ZNF841: variants seen among roughly 807,000 people sequenced by gnomAD.
ZNF841 encodes the protein TCONS_00006091.
ZNF841 carries 11 observed loss-of-function variants against 13.0 expected under a neutral mutation model. That is an observed-to-expected ratio of 0.85 (90% CI 0.53 to 1.40). ZNF841 has a LOEUF of 1.40. Ranked by LOEUF, ZNF841 falls within the 40% of genes most tolerant of loss-of-function variation. The pLI, the probability that ZNF841 is intolerant of heterozygous loss-of-function variation, is 0.00. For synonymous variants in ZNF841, 369 were observed against 381.6 expected (o/e 0.97, Z 0.38); for missense variants, 1,068 against 1,139.5 (o/e 0.94, Z 0.90).
chr19:52,064,380 A>AAAAAAC (rs2087469284), downstream of ZNF841: 1 of 146,818 alleles, frequency 6.8e-6, no homozygotes, highest in African/African-American at 2.6e-5. Context: ...AAAAAAAAAA[A>AAAAAAC]AAAAAAAAAC....
At position 52,066,343 on chromosome 19, in the gene ZNF841, G is replaced by C. The variant is rs779527957; in HGVS notation, c.1539C>G (p.Tyr513Ter). 1 of 1,614,020 alleles carries C rather than the reference G, an allele frequency of 6.2e-7. No individual in the cohort carries two copies. Among genetic ancestry groups the C allele is most frequent in the Non-Finnish European group, 8.5e-7 (1 of 1,179,954 alleles). The part of the protein sequence containing the change: ...HQRVHTGEKP[Y>*]KCNECGKAFN... ...AGGCTTTGCCACATTCATTACATTTGTAAGGTTTCTCTCCAGTATGAACTC... is the reference window on the plus strand; with the variant it reads ...AGGCTTTGCCACATTCATTACATTTCTAAGGTTTCTCTCCAGTATGAACTC... The change falls in exon 7 of 7, where the codon TAC becomes TAG. Residue 513 changes from tyrosine to a stop codon, truncating the protein, a stop_gained. Coordinates refer to ENST00000594440, the MANE Select transcript of ZNF841 (RefSeq NM_001136499.2). LOFTEE classifies it low-confidence loss of function (END_TRUNC).
At chr19:52,077,200 A>G (rs76702199) in intron 4 of ZNF841, 116 bp from the exon 5 acceptor site, 12 of 1,197,110 alleles carry the variant, frequency 1.0e-5, no homozygotes, top group Non-Finnish European at 1.4e-5. Flanking sequence ...TGACATATCC[A>G]TTAAAAGTAT....
chr19:52,075,304 G>T (rs1568541349), intron 6 of ZNF841, among the ~76,000 whole-genome samples: 1 of 152,232 alleles, frequency 6.6e-6, no homozygotes, highest in Non-Finnish European at 1.5e-5. Context: ...ATCTTGAAAT[G>T]AGACAGTGCT....
intron 4 of ZNF841, among the ~76,000 whole-genome samples, chr19:52,078,883 T>G (rs1026391870): frequency 2.0e-5 from 3 of 152,142 alleles, no homozygotes; most frequent in African/African-American, 7.2e-5. Flanking sequence ...GAAATGATGA[T>G]GTTGTAAATA....
rs60337065 is a variant in ZNF841 at position 52,088,446 on chromosome 19, C to T, written c.-78+491G>A. Among the ~76,000 whole-genome samples, 4 of 152,110 alleles carry T rather than the reference C, an allele frequency of 2.6e-5. No homozygotes were observed. In the East Asian group the frequency reaches 7.7e-4, roughly 29 times the overall value. On this transcript the variant is annotated intron_variant, in intron 3 of 6. Coordinates refer to ENST00000594440, the MANE Select transcript of ZNF841 (RefSeq NM_001136499.2). ...CCAGAAATGCATAAAATATATGTAA[C>T]TATTAGTCTATTTTATCACTTAGTA... is the stretch of plus-strand genomic sequence containing the variant.
Position 52,066,549 on chromosome 19 carries a change from CA to C in ZNF841, c.1332del (p.Val445Ter). 6.2e-7 allele frequency: 1 copy of C among 1,613,550 alleles called. No homozygotes were observed. The highest frequency in any genetic ancestry group is 8.5e-7 in the Non-Finnish European group (1 of 1,179,742). The stretch of plus-strand genomic sequence containing the variant: ...CCAGTATGAATTATCTGGTGCCTTA[CA>C]AGTTGTGAATTCTGATAAAAGACCT... The part of the protein sequence containing the change: ...CGKVFYQNSQ[L>X]VRHQIIHTGE... On this transcript the variant is annotated frameshift_variant, in exon 7 of 7. Transcript: ENST00000594440. LOFTEE classifies it low-confidence loss of function (END_TRUNC).
At chr19:52,089,551 G>A (rs532066778) in intron 2 of ZNF841, among the ~76,000 whole-genome samples, 347 of 152,262 alleles carry the variant, frequency 2.3e-3, no homozygotes, top group African/African-American at 8.2e-3. Context: ...GGAGGCTGAG[G>A]TGAGAGGATG....
At chr19:52,089,672 G>A (rs963726702) in intron 2 of ZNF841, among the ~76,000 whole-genome samples, 10 of 151,774 alleles carry the variant, frequency 6.6e-5, no homozygotes, top group Admixed American at 2.0e-4. Flanking sequence ...AATGATCCAT[G>A]CACAACCACT....
intron 4 of ZNF841, among the ~76,000 whole-genome samples, chr19:52,080,806 G>A (rs2123316545): frequency 6.6e-6 from 1 of 152,268 alleles, no homozygotes; most frequent in Non-Finnish European, 1.5e-5. Flanking sequence ...AAAATCCCCA[G>A]CCAGAAAAGG....
chr19:52,090,659 GAAA>G (rs543833068), intron 2 of ZNF841, among the ~76,000 whole-genome samples: 1,922 of 108,836 alleles, frequency 0.018, 34 homozygotes, highest in Middle Eastern at 0.042. Flanking sequence ...AGGAAGGAAA[GAAA>G]GAAAGAAAGA....
chr19:52,084,646 G>A (rs2088209997), intron 4 of ZNF841, 141 bp downstream of exon 4: 1 of 862,430 alleles, frequency 1.2e-6, no homozygotes, highest in South Asian at 1.6e-5. Context: ...GTGCAGAAGA[G>A]AGGGACTGAA....
At chr19:52,062,159 G>A (rs757867349), downstream of ZNF841, among the ~76,000 whole-genome samples, 8 of 152,160 alleles carry the variant, frequency 5.3e-5, no homozygotes, top group Non-Finnish European at 7.3e-5. Context: ...GGTTCCAAAA[G>A]TTGACCTTAT....
intron 6 of ZNF841, among the ~76,000 whole-genome samples, chr19:52,070,332 A>G (rs967771829): frequency 6.6e-6 from 1 of 152,102 alleles, no homozygotes; most frequent in Admixed American, 6.5e-5. Context: ...GAGACAAAAG[A>G]GTATATTTGG....
chr19:52,079,669 A>G lies in ZNF841; in HGVS notation c.16-2585T>C, dbSNP rs976228392. Among the ~76,000 whole-genome samples the G allele has an allele frequency of 5.3e-5, 8 of 152,252 alleles. 1 individual carries two copies. The South Asian group carries it at 1.5e-3, about 28-fold the overall frequency. ...AAAAAGGCAAGGAGGGGGTAGAGCC[A>G]AAGAGTTAGATCTACTAAAATTAAG... On this transcript the variant is annotated intron_variant, in intron 4 of 6. Transcript: ENST00000594440.
Position 52,067,365 on chromosome 19 carries a change from C to T in ZNF841, c.517G>A (p.Gly173Arg). 1.3e-6 allele frequency: 2 copies of T among 1,549,764 alleles called. No individual in the cohort carries two copies. The highest frequency in any genetic ancestry group is 1.7e-6 in the Non-Finnish European group (2 of 1,146,302). ...TCCATATGCTTGTTTTCTACGTCCC[C>T]TTGACTATGTCGAACTCTTTGACCA... is the stretch of plus-strand genomic sequence containing the variant. ...LTGQRVRHSQ[G>R]DVENKHMENQ... The change falls in exon 7 of 7, where the codon GGG becomes AGG. Residue 173 changes from glycine to arginine, a missense_variant. Transcript: ENST00000594440.
intron 3 of ZNF841, among the ~76,000 whole-genome samples, chr19:52,088,376 A>G (rs1484576454): frequency 6.6e-6 from 1 of 152,204 alleles, no homozygotes; most frequent in Non-Finnish European, 1.5e-5. Context: ...ACAATTTGAA[A>G]AAACTCACAG....
At chr19:52,084,924 C>G in intron 3 of ZNF841, 46 bp from the exon 4 acceptor site, 2 of 1,060,966 alleles carry the variant, frequency 1.9e-6, no homozygotes, top group Non-Finnish European at 2.7e-6. Context: ...ACAACACATT[C>G]CTTTCTGTGC....
intron 6 of ZNF841, among the ~76,000 whole-genome samples, chr19:52,068,048 A>G (rs2087637847): frequency 6.6e-6 from 1 of 151,974 alleles, no homozygotes; most frequent in Admixed American, 6.5e-5. Context: ...CTAATAAATA[A>G]TCATAATATA....
Position 52,066,652 on chromosome 19 carries a change from A to G in ZNF841, c.1230T>C (p.Phe410=). The change falls in exon 7 of 7, where the codon TTT becomes TTC. Residue 410 remains phenylalanine (F), a synonymous_variant. Coordinates refer to ENST00000594440, the MANE Select transcript of ZNF841 (RefSeq NM_001136499.2). ...GTGCAGTGAGGCTTGAGTTCCGTTT[A>G]AAGGTTTTGCCACATTCATTACATT... ...PYKCNECGKT[F]KRNSSLTAHH... is the part of the protein sequence containing the mutation. 1 of 1,612,946 alleles carries G rather than the reference A, an allele frequency of 6.2e-7. No homozygotes were observed. The highest frequency in any genetic ancestry group is 8.5e-7 in the Non-Finnish European group (1 of 1,179,466).
Sources: allele counts gnomAD v4.1 joint callset (sites outside exome capture counted in the v4.1 genomes callset), GRCh38; gene constraint gnomAD v4.1.1; transcripts MANE v1.5; gene names NCBI Gene and HGNC (gene_info 2026-07-23, HGNC 2026-07-21).